Variants in EFNA5 observed in about 807,000 individuals in gnomAD.
The protein encoded by EFNA5 is ephrin A5, also known as ephrin-A5.
In EFNA5, 5 loss-of-function variants were observed where a neutral mutation model predicts 22.9. The ratio of observed to expected loss-of-function variants is 0.22; its 90% CI spans 0.11 to 0.46. EFNA5 has a LOEUF of 0.46. Ranked by LOEUF, EFNA5 falls within the 20% of genes least tolerant of loss-of-function variation. The probability of loss-of-function intolerance (pLI) is 0.99; values close to 1 mark genes in which losing one functional copy is unlikely to be tolerated. For synonymous variants in EFNA5, 113 were observed against 112.2 expected (o/e 1.01, Z -0.04); for missense variants, 237 against 293.3 (o/e 0.81, Z 1.40).
chr5:107,447,065 C>T (rs867528946), intron 1 of EFNA5, among the ~76,000 whole-genome samples: 1 of 152,108 alleles, frequency 6.6e-6, no homozygotes, highest in Non-Finnish European at 1.5e-5. Flanking sequence ...TCTCTCTGAC[C>T]CATTAATACC....
intron 1 of EFNA5, among the ~76,000 whole-genome samples, chr5:107,556,427 C>G (rs1038502586): frequency 6.6e-6 from 1 of 152,170 alleles, no homozygotes; most frequent in African/African-American, 2.4e-5. Flanking sequence ...ACTCTGTTCT[C>G]CTACCCATCA....
At chr5:107,421,763 A>T (rs1359115496) in intron 2 of EFNA5, among the ~76,000 whole-genome samples, 1 of 150,336 alleles carries the variant, frequency 6.7e-6, no homozygotes, top group East Asian at 1.9e-4. Context: ...AGTATAATAG[A>T]CCCCAGGACT....
chr5:107,504,834 T>C (rs999900457), intron 1 of EFNA5, among the ~76,000 whole-genome samples: 5 of 152,188 alleles, frequency 3.3e-5, no homozygotes, highest in African/African-American at 7.2e-5. Flanking sequence ...TTTTAATCTT[T>C]AGGAATAACC....
At chr5:107,627,744 T>C (rs576489617) in intron 1 of EFNA5, among the ~76,000 whole-genome samples, 1 of 152,286 alleles carries the variant, frequency 6.6e-6, no homozygotes, top group East Asian at 1.9e-4. Context: ...CTTTCATTTG[T>C]TGAATCATGT....
At chr5:107,470,648 C>T (rs919802341) in intron 1 of EFNA5, among the ~76,000 whole-genome samples, 2 of 152,178 alleles carry the variant, frequency 1.3e-5, no homozygotes, top group Non-Finnish European at 2.9e-5. Flanking sequence ...ACTCCTTCAA[C>T]AATTCATAAA....
At position 107,405,927 on chromosome 5, in the gene EFNA5, A is replaced by C. The variant is rs6893254; in HGVS notation, c.419-18156T>G. 5.3e-3 allele frequency among the ~76,000 whole-genome samples: 709 copies of C among 132,864 alleles called. 1 individual carries two copies. Among genetic ancestry groups the C allele is most frequent in the African/African-American group, 0.018 (573 of 31,198 alleles). The allele number at this position is 132,864 out of a possible 152,430, so 87.2% of individuals were successfully genotyped here. ...ATATACATAGAATGTATACAAATAC[A>C]TATATTTGTATACATATTCTATGTA... On this transcript the variant is annotated intron_variant, in intron 2 of 4. Transcript: ENST00000333274.
chr5:107,404,086 C>T (rs1748152335), intron 2 of EFNA5, among the ~76,000 whole-genome samples: 1 of 152,150 alleles, frequency 6.6e-6, no homozygotes, highest in Non-Finnish European at 1.5e-5. Flanking sequence ...ATCATAAGAA[C>T]ATATTCAAGA....
intron 1 of EFNA5, among the ~76,000 whole-genome samples, chr5:107,601,199 T>C (rs1044118935): frequency 2.0e-5 from 3 of 152,238 alleles, no homozygotes; most frequent in Non-Finnish European, 4.4e-5. Context: ...ATTCGTACTA[T>C]GTTCCAAGGG....
At chr5:107,429,306 C>T (rs2112423310) in intron 1 of EFNA5, among the ~76,000 whole-genome samples, 1 of 152,214 alleles carries the variant, frequency 6.6e-6, no homozygotes, top group East Asian at 1.9e-4. Flanking sequence ...ATTACCCAGG[C>T]ATGGTGGCAT....
chr5:107,670,166 AG>A (rs1457223496), intron 1 of EFNA5, among the ~76,000 whole-genome samples: 1 of 151,780 alleles, frequency 6.6e-6, no homozygotes, highest in Non-Finnish European at 1.5e-5. Context: ...ACCGGATGCC[AG>A]CCAGATGCCG....
At chr5:107,504,036 CA>C (rs1282664607) in intron 1 of EFNA5, among the ~76,000 whole-genome samples, 1 of 152,162 alleles carries the variant, frequency 6.6e-6, no homozygotes, top group Non-Finnish European at 1.5e-5. Context: ...TTTTATACAT[CA>C]ATCAGTCTAA....
chr5:107,464,196 C>T (rs192146509), intron 1 of EFNA5, among the ~76,000 whole-genome samples: 7 of 152,160 alleles, frequency 4.6e-5, no homozygotes, highest in Admixed American at 2.6e-4. Flanking sequence ...AATTCAGCCC[C>T]GGGACCAGCA....
chr5:107,651,243 G>A (rs1750723438), intron 1 of EFNA5, among the ~76,000 whole-genome samples: 1 of 152,060 alleles, frequency 6.6e-6, no homozygotes, highest in Non-Finnish European at 1.5e-5. Flanking sequence ...AGCAAAACAA[G>A]AATTATAATA....
chr5:107,668,259 T>C (rs1281625811), intron 1 of EFNA5, among the ~76,000 whole-genome samples: 1 of 152,240 alleles, frequency 6.6e-6, no homozygotes, highest in Non-Finnish European at 1.5e-5. Flanking sequence ...ATACTCTTGG[T>C]ATTTTAAAAT....
intron 1 of EFNA5, among the ~76,000 whole-genome samples, chr5:107,444,153 C>G (rs903446156): frequency 5.3e-5 from 8 of 152,198 alleles, no homozygotes; most frequent in African/African-American, 1.7e-4. Context: ...GCTCAATATA[C>G]TTGCATTTTC....
intron 1 of EFNA5, among the ~76,000 whole-genome samples, chr5:107,544,974 C>G (rs934175043): frequency 6.6e-6 from 1 of 152,208 alleles, no homozygotes; most frequent in Non-Finnish European, 1.5e-5. Flanking sequence ...TGTCTACATC[C>G]CCATCCTTGA....
chr5:107,564,645 T>A (rs1015921994), intron 1 of EFNA5, among the ~76,000 whole-genome samples: 19 of 150,850 alleles, frequency 1.3e-4, no homozygotes, highest in African/African-American at 4.6e-4. Context: ...TTTTTTTTTT[T>A]TTTTTTGATC....
chr5:107,658,355 A>G (rs1750872439), intron 1 of EFNA5, among the ~76,000 whole-genome samples: 4 of 152,272 alleles, frequency 2.6e-5, no homozygotes, highest in Non-Finnish European at 4.4e-5. Context: ...TTTTTGGACC[A>G]AGGTAGTATT....
intron 2 of EFNA5, among the ~76,000 whole-genome samples, chr5:107,399,210 A>C (rs943571596): frequency 6.6e-6 from 1 of 151,970 alleles, no homozygotes; most frequent in African/African-American, 2.4e-5. Flanking sequence ...CCAGCAGTTT[A>C]GGAGGCCAAG....
Sources: allele counts gnomAD v4.1 joint callset (sites outside exome capture counted in the v4.1 genomes callset), GRCh38; gene constraint gnomAD v4.1.1; transcripts MANE v1.5; gene names NCBI Gene and HGNC (gene_info 2026-07-23, HGNC 2026-07-21).